Variants in ERG observed in about 807,000 individuals in gnomAD.
The protein encoded by ERG is transcriptional regulator ERG.
ERG carries 9 observed loss-of-function variants against 55.3 expected under a neutral mutation model. The observed-to-expected ratio is 0.16, with a 90% CI of 0.10 to 0.28. The LOEUF is 0.28. ERG is among the 10% of genes least tolerant of loss of function. ERG has a pLI of 1.00. For missense variants in ERG, 434 were observed against 631.6 expected (o/e 0.69, Z 3.35); for synonymous variants, 223 against 237.3 (o/e 0.94, Z 0.55).
chr21:38,519,590 C>A (rs1422586543), intron 2 of ERG, among the ~76,000 whole-genome samples: 1 of 152,072 alleles, frequency 6.6e-6, no homozygotes, highest in Non-Finnish European at 1.5e-5. Flanking sequence ...ACAAAGGAGC[C>A]CATTTGATGT....
intron 6 of ERG, among the ~76,000 whole-genome samples, chr21:38,394,653 C>T (rs1569061877): frequency 6.6e-6 from 1 of 152,164 alleles, no homozygotes; most frequent in Non-Finnish European, 1.5e-5. Context: ...CGCCTGGCCT[C>T]AGAATCAGCA....
At chr21:38,638,923 G>A (rs2060406951) in intron 1 of ERG, among the ~76,000 whole-genome samples, 1 of 152,090 alleles carries the variant, frequency 6.6e-6, no homozygotes, top group African/African-American at 2.4e-5. Flanking sequence ...TGCAGAGTGA[G>A]GGAATGAGGC....
chr21:38,567,080 G>T (rs560410816), intron 2 of ERG, among the ~76,000 whole-genome samples: 5 of 152,148 alleles, frequency 3.3e-5, no homozygotes, highest in Non-Finnish European at 5.9e-5. Flanking sequence ...GACTGGGGGG[G>T]GGATTGTGCA....
At chr21:38,408,736 AG>A (rs1988899661) in intron 3 of ERG, among the ~76,000 whole-genome samples, 1 of 152,176 alleles carries the variant, frequency 6.6e-6, no homozygotes, top group African/African-American at 2.4e-5. Context: ...CAGGAATCAA[AG>A]AAAGGGGCTC....
intron 1 of ERG, among the ~76,000 whole-genome samples, chr21:38,644,645 G>A (rs2060445479): frequency 6.6e-6 from 1 of 152,078 alleles, no homozygotes; most frequent in Non-Finnish European, 1.5e-5. Flanking sequence ...ATTCTATTAA[G>A]ACAAGGTTAT....
intron 5 of ERG, among the ~76,000 whole-genome samples, 189 bp downstream of exon 5, chr21:38,402,368 C>T (rs1432312777): frequency 2.0e-5 from 3 of 152,080 alleles, no homozygotes; most frequent in Non-Finnish European, 4.4e-5. Context: ...GCTTGGGAAG[C>T]GCTCAGAAAA....
At chr21:38,393,675 C>G (rs1333594321) in intron 6 of ERG, among the ~76,000 whole-genome samples, 1 of 152,172 alleles carries the variant, frequency 6.6e-6, no homozygotes, top group African/African-American at 2.4e-5. Context: ...GAAGATGTGT[C>G]TCTTCCTATT....
At chr21:38,653,469 C>T (rs945704769) in intron 1 of ERG, among the ~76,000 whole-genome samples, 6 of 152,178 alleles carry the variant, frequency 3.9e-5, no homozygotes, top group South Asian at 4.1e-4. Context: ...TCCACTTGTC[C>T]TGTATTAATT....
In ERG at chr21:38,381,816, A is replaced by T; in HGVS notation, c.*1587T>A. 9.4e-7 allele frequency: 1 copy of T among 1,063,422 alleles called. No homozygotes were observed. Among genetic ancestry groups the T allele is most frequent in the Non-Finnish European group, 1.1e-6 (1 of 878,142 alleles). The allele number at this position is 1,063,422 out of a possible 1,614,324, so 65.9% of individuals were successfully genotyped here. On this transcript the variant is annotated 3_prime_UTR_variant, in exon 10 of 10. Transcript: ENST00000288319. ...GAAACCCGGGGTCCTTCTGTTCCAA[A>T]AGGGGCTAGAAATAAAAGACAGGAG...
At chr21:38,479,699 C>T (rs774038844) in intron 1 of ERG, among the ~76,000 whole-genome samples, 10 of 152,196 alleles carry the variant, frequency 6.6e-5, no homozygotes, top group African/African-American at 9.7e-5. Context: ...CTGCCATTAA[C>T]TGGAACACTT....
At chr21:38,514,301 G>C (rs2059536135) in intron 2 of ERG, among the ~76,000 whole-genome samples, 1 of 150,922 alleles carries the variant, frequency 6.6e-6, no homozygotes, top group South Asian at 2.1e-4. Context: ...AATGTAGCTA[G>C]AAAATTATTT....
At chr21:38,578,662 C>T (rs1468426236) in intron 1 of ERG, among the ~76,000 whole-genome samples, 2 of 152,044 alleles carry the variant, frequency 1.3e-5, no homozygotes, top group Admixed American at 6.5e-5. Flanking sequence ...CCCAATCACC[C>T]CACCAAGACT....
At chr21:38,495,154 T>C (rs181112833) in intron 1 of ERG, among the ~76,000 whole-genome samples, 7 of 152,360 alleles carry the variant, frequency 4.6e-5, no homozygotes, top group Admixed American at 3.9e-4. Flanking sequence ...ATCAAAATTC[T>C]GTGAGGAGTT....
At chr21:38,415,332 G>A (rs1989230102) in intron 3 of ERG, among the ~76,000 whole-genome samples, 1 of 152,170 alleles carries the variant, frequency 6.6e-6, no homozygotes, top group South Asian at 2.1e-4. Flanking sequence ...ATGTCCAAGT[G>A]CCTGACAACA....
intron 6 of ERG, among the ~76,000 whole-genome samples, chr21:38,399,007 T>A (rs1335722946): frequency 1.3e-5 from 2 of 152,266 alleles, no homozygotes; most frequent in African/African-American, 2.4e-5. Context: ...ATTTTTTAAA[T>A]GCTCACAGAA....
intron 1 of ERG, among the ~76,000 whole-genome samples, chr21:38,649,033 C>T (rs1320047563): frequency 6.6e-6 from 1 of 152,154 alleles, no homozygotes; most frequent in Admixed American, 6.5e-5. Context: ...TTGTCATGCC[C>T]CTGAATCCAC....
intron 1 of ERG, among the ~76,000 whole-genome samples, chr21:38,608,206 A>G (rs1469088125): frequency 1.3e-5 from 2 of 152,212 alleles, no homozygotes; most frequent in Non-Finnish European, 2.9e-5. Context: ...ATGTATCTAA[A>G]CCATAAATAA....
At chr21:38,557,450 A>C (rs1021816392) in intron 2 of ERG, among the ~76,000 whole-genome samples, 2 of 152,224 alleles carry the variant, frequency 1.3e-5, no homozygotes, top group African/African-American at 4.8e-5. Context: ...GCTGCAAGTC[A>C]TAAGTCTTTG....
At chr21:38,547,855 C>T (rs997430537) in intron 2 of ERG, among the ~76,000 whole-genome samples, 1 of 152,004 alleles carries the variant, frequency 6.6e-6, no homozygotes, top group African/African-American at 2.4e-5. Flanking sequence ...AAGACTGCAC[C>T]ACTGTTAAGT....
Sources: allele counts gnomAD v4.1 joint callset (sites outside exome capture counted in the v4.1 genomes callset), GRCh38; gene constraint gnomAD v4.1.1; transcripts MANE v1.5; gene names NCBI Gene and HGNC (gene_info 2026-07-23, HGNC 2026-07-21).